SDK2: variants seen among roughly 807,000 people sequenced by gnomAD.
The protein encoded by SDK2 is protein sidekick-2.
Under a neutral mutation model 253.9 loss-of-function variants are expected in SDK2, and 105 were observed. The observed-to-expected ratio is 0.41, with a 90% CI of 0.35 to 0.49. The LOEUF (loss-of-function observed/expected upper bound fraction) is 0.49. Ranked by LOEUF, SDK2 falls within the 20% of genes least tolerant of loss-of-function variation. The probability of loss-of-function intolerance (pLI) is 0.06; values close to 1 mark genes in which losing one functional copy is unlikely to be tolerated. For missense variants in SDK2, 2,608 were observed against 3,003.0 expected (o/e 0.87, Z 3.07); for synonymous variants, 1,249 against 1,234.9 (o/e 1.01, Z -0.24).
chr17:73,367,320 T>C (rs1017539033), intron 37 of SDK2, among the ~76,000 whole-genome samples: 1 of 151,962 alleles, frequency 6.6e-6, no homozygotes. Flanking sequence ...ATTGTACTTA[T>C]AATTAATCCC....
At chr17:73,394,142 G>A in intron 26 of SDK2, 67 bp downstream of exon 26, 6 of 976,066 alleles carry the variant, frequency 6.1e-6, no homozygotes, top group East Asian at 5.5e-5. Context: ...TAAGGACAAG[G>A]CCCCTTGGAT....
At chr17:73,369,542 G>A (rs576072641) in intron 36 of SDK2, among the ~76,000 whole-genome samples, 73 of 152,272 alleles carry the variant, frequency 4.8e-4, no homozygotes, top group Non-Finnish European at 7.8e-4. Flanking sequence ...CCTGGGGTCC[G>A]TGTGAGGGGT....
chr17:73,434,009 C>T (rs912721206), intron 9 of SDK2, among the ~76,000 whole-genome samples, 161 bp from the exon 10 acceptor site: 1 of 152,174 alleles, frequency 6.6e-6, no homozygotes, highest in Admixed American at 6.5e-5. Context: ...TTGATGGAGC[C>T]CCAGTGTTTG....
intron 38 of SDK2, among the ~76,000 whole-genome samples, chr17:73,363,929 G>T (rs1396095577): frequency 6.6e-6 from 1 of 152,044 alleles, no homozygotes; most frequent in African/African-American, 2.4e-5. Context: ...CCCCTTTGCA[G>T]AACGAGCTGC....
chr17:73,361,538 G>T lies in SDK2; in HGVS notation c.5467+146C>A. ...GCCCGGGAGGAGGGAGCGGGGGGAG[G>T]GGTCACTGGGCACCAGGGGAAAGAG... On this transcript the variant is annotated intron_variant, in intron 39 of 44. Coordinates refer to ENST00000392650, the MANE Select transcript of SDK2 (RefSeq NM_001144952.2). The surrounding 1 kb of genome is among the most constrained non-coding windows in gnomAD (Gnocchi z 4.1). 2 of 717,118 alleles carry T rather than the reference G, an allele frequency of 2.8e-6. No homozygotes were observed. Among genetic ancestry groups the T allele is most frequent in the East Asian group, 2.7e-5 (1 of 36,464 alleles). The allele number at this position is 717,118 out of a possible 1,614,324, so 44.4% of individuals were successfully genotyped here.
chr17:73,405,511 T>TAA (rs1256454052), intron 18 of SDK2, among the ~76,000 whole-genome samples: 3 of 32,012 alleles, frequency 9.4e-5, no homozygotes, highest in African/African-American at 1.3e-4. Context: ...TATATATATA[T>TAA]ATATATAAAG....
rs1021414586 is a variant in SDK2, at chr17:73,438,076, C to T, written c.804G>A (p.Arg268=). The change falls in exon 7 of 45, where the codon CGG becomes CGA. Residue 268 remains arginine, a synonymous_variant. Transcript: ENST00000392650. The part of the protein sequence containing the change: ...LSGGISDHNR[R]LTIPNPTGSD... Reference sequence around the variant, plus strand: ...TGCCGGTGGGGTTGGGGATGGTGAGCCGGCGGTTGTGGTCACTGATGCCGC... The same window carrying T: ...TGCCGGTGGGGTTGGGGATGGTGAGTCGGCGGTTGTGGTCACTGATGCCGC... 6 of 1,551,662 alleles carry T rather than the reference C, an allele frequency of 3.9e-6. No homozygotes were observed. Among genetic ancestry groups the T allele is most frequent in the Non-Finnish European group, 5.2e-6 (6 of 1,147,006 alleles).
chr17:73,394,103 A>C, intron 26 of SDK2, 106 bp downstream of exon 26: 1 of 624,112 alleles, frequency 1.6e-6, no homozygotes, highest in Non-Finnish European at 2.5e-6. Context: ...CCCTGTATCC[A>C]CTCTAGGAGG....
intron 10 of SDK2, among the ~76,000 whole-genome samples, chr17:73,432,772 G>A (rs2063336791): frequency 6.6e-6 from 1 of 152,118 alleles, no homozygotes; most frequent in African/African-American, 2.4e-5. Context: ...TTGTACGTGT[G>A]TGTGCACATG....
chr17:73,603,334 C>A (rs901915635), intron 1 of SDK2, among the ~76,000 whole-genome samples: 1 of 152,186 alleles, frequency 6.6e-6, no homozygotes, highest in African/African-American at 2.4e-5. Flanking sequence ...TGGCCCCCTG[C>A]GCTAGAGAGA....
At chr17:73,493,087 A>G (rs986211036) in intron 2 of SDK2, among the ~76,000 whole-genome samples, 1 of 152,162 alleles carries the variant, frequency 6.6e-6, no homozygotes, top group African/African-American at 2.4e-5. Context: ...GCACTGAACC[A>G]TTCCAGATAA....
rs1328524292 is a variant in SDK2, at chr17:73,534,893, G to A, written c.65-27296C>T. The stretch of plus-strand genomic sequence containing the variant: ...CTTGTGGGGATACTGGATACTCTGC[G>A]ATCGGCCGATCAGCCCGCTACTGGG... On this transcript the variant is annotated intron_variant, in intron 1 of 44. Coordinates refer to ENST00000392650, the MANE Select transcript of SDK2 (RefSeq NM_001144952.2). This position sits in a 1 kb window ranked among gnomAD's most constrained non-coding sequence, Gnocchi z 4.9. 1.3e-5 allele frequency among the ~76,000 whole-genome samples: 2 copies of A among 152,142 alleles called. No individual in the cohort carries two copies. The highest frequency in any genetic ancestry group is 6.5e-5 in the Admixed American group (1 of 15,280).
intron 5 of SDK2, among the ~76,000 whole-genome samples, chr17:73,441,389 G>C (rs1400793810): frequency 6.6e-6 from 1 of 152,168 alleles, no homozygotes. Flanking sequence ...TCTGGCACCT[G>C]TAAATGTGAC....
rs183938590 is a variant in SDK2, at chr17:73,380,093, C to T, written c.4763-544G>A. 4.4e-3 allele frequency among the ~76,000 whole-genome samples: 665 copies of T among 152,280 alleles called. 18 individuals carry two copies. The highest frequency in any genetic ancestry group is 0.036 in the Admixed American group (544 of 15,290). On this transcript the variant is annotated intron_variant, in intron 34 of 44. Coordinates refer to ENST00000392650, the MANE Select transcript of SDK2 (RefSeq NM_001144952.2). ...GGCAGAACTTGGGAATGGGACGCAG[C>T]TGCAAGAAACGGGCGCAGTCACTGT...
At chr17:73,555,577 A>C (rs909284853) in intron 1 of SDK2, among the ~76,000 whole-genome samples, 1 of 152,198 alleles carries the variant, frequency 6.6e-6, no homozygotes, top group Non-Finnish European at 1.5e-5. Flanking sequence ...AGTCCCTGCC[A>C]TCAGGCAAGA....
At chr17:73,390,994 C>T (rs928558151) in intron 28 of SDK2, among the ~76,000 whole-genome samples, 6 of 152,180 alleles carry the variant, frequency 3.9e-5, no homozygotes, top group Non-Finnish European at 7.4e-5. Context: ...CTCAAGTTCA[C>T]GCAGCTGCCG....
intron 2 of SDK2, among the ~76,000 whole-genome samples, chr17:73,493,784 A>C (rs1262045996): frequency 6.6e-6 from 1 of 152,230 alleles, no homozygotes; most frequent in Non-Finnish European, 1.5e-5. Context: ...TCTGTGGACT[A>C]TGGATGGACA....
intron 28 of SDK2, among the ~76,000 whole-genome samples, chr17:73,391,066 T>C (rs972305742): frequency 6.6e-6 from 1 of 152,222 alleles, no homozygotes; most frequent in African/African-American, 2.4e-5. Flanking sequence ...TTCCCATCTG[T>C]AGCCTCCCTC....
Position 73,431,479 on chromosome 17 carries a change from G to A in SDK2, c.1480+23C>T, listed in dbSNP as rs775767743. On this transcript the variant is annotated intron_variant, in intron 11 of 44. Coordinates refer to ENST00000392650, the MANE Select transcript of SDK2 (RefSeq NM_001144952.2). The surrounding 1 kb of genome is among the most constrained non-coding windows in gnomAD (Gnocchi z 5.6). The stretch of plus-strand genomic sequence containing the variant: ...ACACACGCACACACAAATGTATAAA[G>A]CCCTGTGGCTCTGCACACTCACCCC... 4 of 1,601,804 alleles carry A rather than the reference G, an allele frequency of 2.5e-6. No individual in the cohort carries two copies. In the Admixed American group the frequency reaches 5.2e-5, roughly 21 times the overall value.
Sources: gnomAD v4.1 joint callset for allele counts (sites outside exome capture counted in the v4.1 genomes callset) on GRCh38, gnomAD v4.1.1 for gene constraint, Gnocchi (gnomAD v3.1) non-coding constraint, MANE v1.5 for transcripts, NCBI Gene and HGNC (gene_info 2026-07-23, HGNC 2026-07-21) for gene names.